Variants in CDK13 observed in about 807,000 individuals in gnomAD.
CDK13 encodes cyclin dependent kinase 13, also known as cyclin-dependent kinase 13.
A neutral mutation model predicts 137.6 loss-of-function variants in CDK13; 40 were observed. The observed-to-expected ratio is 0.29, with a 90% CI of 0.23 to 0.38. The LOEUF (loss-of-function observed/expected upper bound fraction) is 0.38, where lower values mean the gene tolerates loss of function less well. Ranked by LOEUF, CDK13 falls within the 10% of genes least tolerant of loss-of-function variation. CDK13 has a pLI of 1.00. For synonymous variants in CDK13, 869 were observed against 760.1 expected (o/e 1.14, Z -2.36); for missense variants, 1,704 against 1,951.8 (o/e 0.87, Z 2.39).
intron 1 of CDK13, among the ~76,000 whole-genome samples, chr7:39,973,286 G>A (rs139273736): frequency 2.2e-4 from 34 of 152,066 alleles, no homozygotes; most frequent in African/African-American, 8.0e-4. Context: ...ACAGGTACAC[G>A]CCACCACACC....
At chr7:39,989,099 AAAAAAAAAAAAAG>A (rs1784403787) in intron 2 of CDK13, among the ~76,000 whole-genome samples, 2 of 143,232 alleles carry the variant, frequency 1.4e-5, no homozygotes, top group African/African-American at 5.1e-5. Flanking sequence ...AAAAAAAAAA[AAAAAAAAAAAAAG>A]AGAAAATTCA....
intron 13 of CDK13, 113 bp from the exon 14 acceptor site, chr7:40,094,017 C>T: frequency 7.9e-7 from 1 of 1,263,792 alleles, no homozygotes; most frequent in Non-Finnish European, 1.1e-6. Context: ...AACATTTTGC[C>T]AGAGATGGAA....
At chr7:40,049,612 C>T (rs537852124) in intron 7 of CDK13, among the ~76,000 whole-genome samples, 1 of 152,098 alleles carries the variant, frequency 6.6e-6, no homozygotes, top group Non-Finnish European at 1.5e-5. Flanking sequence ...ACTTAAAAAT[C>T]TACTCTCAAC....
chr7:39,984,257 C>G (rs1418156346), intron 1 of CDK13: 2 of 152,006 alleles, frequency 1.3e-5, no homozygotes, highest in Non-Finnish European at 2.9e-5. Context: ...CCTGTCTCTA[C>G]AAAGTTAGCT....
rs755620039 is a variant in CDK13 at position 40,088,336 on chromosome 7, G to GT, written c.3235+6dup. Reference sequence around the variant, plus strand: ...GCAGCTCAAATGTGGCACCTGGTCAGTAATGCTTCCATGGGTTGGTTTTCT... The same window carrying GT: ...GCAGCTCAAATGTGGCACCTGGTCAGTTAATGCTTCCATGGGTTGGTTTTCT... On this transcript the variant is annotated splice_donor_region_variant and intron_variant, in intron 12 of 13. Transcript: ENST00000181839. 6.2e-7 allele frequency: 1 copy of GT among 1,604,418 alleles called. No homozygotes were observed. The highest frequency in any genetic ancestry group is 8.5e-7 in the Non-Finnish European group (1 of 1,171,870).
intron 5 of CDK13, among the ~76,000 whole-genome samples, chr7:40,041,089 G>A (rs1167732360): frequency 1.3e-5 from 2 of 152,170 alleles, no homozygotes; most frequent in Non-Finnish European, 2.9e-5. Context: ...TCTTTGAGGG[G>A]CTGAGGTGGG....
At chr7:39,963,539 T>A in intron 1 of CDK13, among the ~76,000 whole-genome samples, 1 of 152,112 alleles carries the variant, frequency 6.6e-6, no homozygotes, top group Admixed American at 6.5e-5. Flanking sequence ...GATGTTGGGG[T>A]TTTCTAGATA....
At chr7:39,952,107 A>G in intron 1 of CDK13, 1 of 376,776 alleles carries the variant, frequency 2.7e-6, no homozygotes, top group Non-Finnish European at 4.7e-6. Flanking sequence ...GGAAGAATTA[A>G]AAGTTTCAGA....
In CDK13 at chr7:39,968,429, G is replaced by A. The variant is rs10225781; in HGVS notation, c.1211+16577G>A. On this transcript the variant is annotated intron_variant, in intron 1 of 13. Coordinates refer to ENST00000181839, the MANE Select transcript of CDK13 (RefSeq NM_003718.5). ...ACCCCTGTTTATTTTTAAGACACAG[G>A]GTCTTGCTGTGTTGCCAAGGCTGGT... Among the ~76,000 whole-genome samples, 445 of 152,114 alleles carry A rather than the reference G, an allele frequency of 2.9e-3. 3 individuals carry two copies. Among genetic ancestry groups the A allele is most frequent in the African/African-American group, 0.01 (424 of 41,502 alleles).
intron 2 of CDK13, among the ~76,000 whole-genome samples, chr7:39,989,013 G>C (rs1161400617): frequency 6.7e-6 from 1 of 149,346 alleles, no homozygotes; most frequent in Non-Finnish European, 1.5e-5. Flanking sequence ...GAACCTGGGA[G>C]GTGGAGGTTG....
In CDK13 at chr7:40,096,658, G is replaced by A. The variant is rs1309913365; in HGVS notation, c.*1678G>A. The A allele has an allele frequency of 6.6e-6, 1 of 152,034 alleles. No homozygotes were observed. The highest frequency in any genetic ancestry group is 2.4e-5 in the African/African-American group (1 of 41,414). The allele number at this position is 152,034 out of a possible 1,614,324, so 9.4% of individuals were successfully genotyped here. A position where few individuals can be genotyped will look rare whatever the true frequency, so the allele number is the denominator to read the frequency against. ...CAGTTCTAAAGCCAGTTAACCCTGT[G>A]CCCTCTAACTTATGAACCTTCATTT... is the stretch of plus-strand genomic sequence containing the variant. On this transcript the variant is annotated 3_prime_UTR_variant, in exon 14 of 14. Coordinates refer to ENST00000181839, the MANE Select transcript of CDK13 (RefSeq NM_003718.5).
intron 1 of CDK13, among the ~76,000 whole-genome samples, chr7:39,968,393 C>A (rs1003375604): frequency 2.0e-5 from 3 of 152,102 alleles, no homozygotes; most frequent in African/African-American, 7.2e-5. Flanking sequence ...ATGTGGATAT[C>A]CAGTTTTCCC....
intron 11 of CDK13, among the ~76,000 whole-genome samples, chr7:40,082,486 C>CAAAA (rs70996879): frequency 1.2e-4 from 9 of 74,882 alleles, no homozygotes; most frequent in Admixed American, 2.5e-4. Flanking sequence ...ACTCCATTTC[C>CAAAA]AAAAAAAAAA....
intron 1 of CDK13, among the ~76,000 whole-genome samples, chr7:39,981,225 G>A (rs35618050): frequency 0.27 from 40,609 of 151,820 alleles, 6,559 homozygotes; most frequent in Middle Eastern, 0.45. Context: ...AAAATTAGTC[G>A]AGTGTGGTGG....
At chr7:39,992,105 G>GCACACACGCA (rs1784469637) in intron 2 of CDK13, among the ~76,000 whole-genome samples, 1 of 133,362 alleles carries the variant, frequency 7.5e-6, no homozygotes, top group African/African-American at 2.7e-5. Flanking sequence ...ACACACACAC[G>GCACACACGCA]CACACACACA....
intron 1 of CDK13, among the ~76,000 whole-genome samples, chr7:39,971,175 T>C (rs1430700668): frequency 6.6e-6 from 1 of 152,234 alleles, no homozygotes; most frequent in Non-Finnish European, 1.5e-5. Context: ...CAGCATTTGA[T>C]AGTAGGTACC....
At position 40,094,768 on chromosome 7, in the gene CDK13, C is replaced by G. The variant is rs371026668; in HGVS notation, c.4327C>G (p.Pro1443Ala). The G allele has an allele frequency of 6.2e-7, 1 of 1,612,566 alleles. No individual in the cohort carries two copies. The highest frequency in any genetic ancestry group is 8.5e-7 in the Non-Finnish European group (1 of 1,179,322). The change falls in exon 14 of 14, where the codon CCT becomes GCT. Residue 1443 changes from proline to alanine, a missense_variant. Around this residue, in one of 5 missense-constraint regions of CDK13, gnomAD observed 475 missense variants for 579.3 expected, o/e 0.82. Coordinates refer to ENST00000181839, the MANE Select transcript of CDK13 (RefSeq NM_003718.5). ...PIAVLANSSDPSTGPESTHPL... is the reference protein window; with the variant it reads ...PIAVLANSSDASTGPESTHPL... ...TGCAGTCCTGGCAAACAGCAGTGACCCTTCCACGGGGCCAGAGAGTACTCA... is the reference window on the plus strand; with the variant it reads ...TGCAGTCCTGGCAAACAGCAGTGACGCTTCCACGGGGCCAGAGAGTACTCA...
At chr7:39,980,844 T>C (rs1784208823) in intron 1 of CDK13, among the ~76,000 whole-genome samples, 2 of 152,184 alleles carry the variant, frequency 1.3e-5, no homozygotes, top group African/African-American at 4.8e-5. Context: ...TATACATTGC[T>C]CTCCAAGGAA....
At chr7:40,056,799 T>G (rs1346362800) in intron 7 of CDK13, among the ~76,000 whole-genome samples, 5 of 152,242 alleles carry the variant, frequency 3.3e-5, no homozygotes, top group Admixed American at 3.3e-4. Flanking sequence ...GAATGTGTTG[T>G]GAGATACATC....
Sources: allele counts gnomAD v4.1 joint callset (sites outside exome capture counted in the v4.1 genomes callset), GRCh38; gene constraint gnomAD v4.1.1; regional missense constraint gnomAD v4.1.1; transcripts MANE v1.5; gene names NCBI Gene and HGNC (gene_info 2026-07-23, HGNC 2026-07-21).